The following SPATS2L variants were observed in gnomAD, a reference collection of about 807,000 sequenced individuals.
SPATS2L encodes spermatogenesis associated serine rich 2 like, also known as SPATS2-like protein.
Under a neutral mutation model 59.6 loss-of-function variants are expected in SPATS2L, and 30 were observed. The ratio of observed to expected loss-of-function variants is 0.50; its 90% CI spans 0.38 to 0.68. SPATS2L has a LOEUF of 0.68. Ranked by LOEUF, SPATS2L falls within the 30% of genes least tolerant of loss-of-function variation. The probability of loss-of-function intolerance (pLI) is 0.00; values close to 1 mark genes in which losing one functional copy is unlikely to be tolerated. For missense variants in SPATS2L, 615 were observed against 700.0 expected, an observed-to-expected ratio of 0.88 and a Z score of 1.37; for synonymous variants, 252 against 263.5, an observed-to-expected ratio of 0.96 and a Z score of 0.42.
chr2:200,358,712 A>G (rs925988700), intron 2 of SPATS2L, among the ~76,000 whole-genome samples: 8 of 151,878 alleles, frequency 5.3e-5, no homozygotes, highest in Non-Finnish European at 1.2e-4. Flanking sequence ...TTTTAGCTGG[A>G]TGCAGTGGGC....
At chr2:200,326,103 G>T (rs1398622541) in intron 1 of SPATS2L, among the ~76,000 whole-genome samples, 1 of 152,154 alleles carries the variant, frequency 6.6e-6, no homozygotes, top group South Asian at 2.1e-4. Flanking sequence ...TCTGAGGTTT[G>T]AACCCAAGTT....
intron 8 of SPATS2L, among the ~76,000 whole-genome samples, chr2:200,450,123 T>G (rs572809758): frequency 6.6e-6 from 1 of 152,286 alleles, no homozygotes; most frequent in Admixed American, 6.5e-5. Context: ...CTGGTTGAGT[T>G]TTTTAACTCC....
intron 6 of SPATS2L, among the ~76,000 whole-genome samples, chr2:200,424,205 G>A (rs886814624): frequency 2.6e-5 from 4 of 152,050 alleles, no homozygotes; most frequent in Admixed American, 6.6e-5. Flanking sequence ...TATTTTTGCC[G>A]AGCGGGCACA....
chr2:200,406,716 A>C (rs1235033329), intron 3 of SPATS2L, among the ~76,000 whole-genome samples: 4 of 152,084 alleles, frequency 2.6e-5, no homozygotes, highest in African/African-American at 9.7e-5. Context: ...ATATATTTTA[A>C]TTTCTGTGTT....
intron 6 of SPATS2L, among the ~76,000 whole-genome samples, chr2:200,423,754 A>G (rs946915213): frequency 1.3e-5 from 2 of 152,234 alleles, no homozygotes; most frequent in Non-Finnish European, 2.9e-5. Flanking sequence ...CCAATAATGA[A>G]ACTAGCTCAA....
At chr2:200,426,859 T>TG (rs1171714925) in intron 6 of SPATS2L, among the ~76,000 whole-genome samples, 2 of 152,230 alleles carry the variant, frequency 1.3e-5, no homozygotes, top group Admixed American at 1.3e-4. Flanking sequence ...TCAAGTAACT[T>TG]GGTATCTTAG....
At position 200,440,790 on chromosome 2, in the gene SPATS2L, T is replaced by C. The variant is rs1261894473; in HGVS notation, c.788+6T>C. 1 of 1,612,638 alleles carries C rather than the reference T, an allele frequency of 6.2e-7. No homozygotes were observed. The highest frequency in any genetic ancestry group is 8.5e-7 in the Non-Finnish European group (1 of 1,179,138). On this transcript the variant is annotated splice_donor_region_variant and intron_variant, in intron 8 of 12. Coordinates refer to ENST00000409140, the MANE Select transcript of SPATS2L (RefSeq NM_001100423.2). ...TTTGCTGAATTACACAACTGGTGAG[T>C]GATTCAACGTAGGAACCATAAATTT...
intron 2 of SPATS2L, among the ~76,000 whole-genome samples, chr2:200,371,405 G>A (rs1300825875): frequency 6.6e-6 from 1 of 152,160 alleles, no homozygotes; most frequent in East Asian, 1.9e-4. Flanking sequence ...GCACATTCAT[G>A]GAAGGCAGTT....
chr2:200,370,896 G>A (rs892373932), intron 2 of SPATS2L, among the ~76,000 whole-genome samples: 8 of 152,272 alleles, frequency 5.3e-5, no homozygotes, highest in Admixed American at 4.6e-4. Flanking sequence ...TTTGCTACCC[G>A]AAAGAACCTT....
intron 6 of SPATS2L, among the ~76,000 whole-genome samples, chr2:200,433,091 G>A (rs1405484977): frequency 6.6e-6 from 1 of 152,128 alleles, no homozygotes; most frequent in Non-Finnish European, 1.5e-5. Flanking sequence ...TCATATCCAA[G>A]GGTCATTTCA....
At chr2:200,477,611 A>G in intron 12 of SPATS2L, 25 bp from the exon 13 acceptor site, 1 of 1,504,568 alleles carries the variant, frequency 6.6e-7, no homozygotes. Context: ...GGCATCTGAT[A>G]CTTATCTCTT....
intron 2 of SPATS2L, among the ~76,000 whole-genome samples, chr2:200,384,506 G>A (rs1021190103): frequency 1.3e-5 from 2 of 152,228 alleles, no homozygotes; most frequent in African/African-American, 2.4e-5. Context: ...GGCGCATGCC[G>A]CCATGCCGGC....
intron 3 of SPATS2L, among the ~76,000 whole-genome samples, chr2:200,408,032 C>T (rs989441061): frequency 2.6e-5 from 4 of 152,102 alleles, no homozygotes; most frequent in South Asian, 2.1e-4. Context: ...CTGGGAGACA[C>T]GACACACACA....
rs376838483 is a variant in SPATS2L, at chr2:200,402,474, C to G, written c.40-9837C>G. ...CGTTGTGCCCTCTTCCTGGAATGTT[C>G]CACCTTCCCTCCCATTCCCCTGGCC... On this transcript the variant is annotated intron_variant, in intron 3 of 12. Coordinates refer to ENST00000409140, the MANE Select transcript of SPATS2L (RefSeq NM_001100423.2). Among the ~76,000 whole-genome samples the G allele has an allele frequency of 7.2e-5, 11 of 152,260 alleles. No homozygotes were observed. In the South Asian group the frequency reaches 2.3e-3, roughly 32 times the overall value.
chr2:200,388,399 T>C (rs1359877833), intron 2 of SPATS2L, among the ~76,000 whole-genome samples: 6 of 151,810 alleles, frequency 4.0e-5, no homozygotes, highest in African/African-American at 9.7e-5. Flanking sequence ...AGTGAGACCC[T>C]TGTCTCTACA....
chr2:200,351,256 C>T (rs1353369627), intron 2 of SPATS2L: 11 of 471,244 alleles, frequency 2.3e-5, no homozygotes, highest in Non-Finnish European at 4.4e-5. Flanking sequence ...TTTTTAGATG[C>T]ACTAACCAAC....
At position 200,479,795 on chromosome 2, in the gene SPATS2L, A is replaced by G; in HGVS notation, c.*1764A>G. 1 of 398,658 alleles carries G rather than the reference A, an allele frequency of 2.5e-6. No homozygotes were observed. The highest frequency in any genetic ancestry group is 2.1e-5 in the African/African-American group (1 of 48,762). 24.7% of individuals were successfully genotyped at this position (398,658 alleles called of 1,614,324 possible). A position where few individuals can be genotyped will look rare whatever the true frequency, so the allele number is the denominator to read the frequency against. On this transcript the variant is annotated 3_prime_UTR_variant, in exon 13 of 13. Transcript: ENST00000409140. ...CCCTGAGCAGCTGAGCCTGCAAGCC[A>G]CGCAAGCATCTGTTTCTTCTTTTGC...
At chr2:200,370,835 A>C (rs2105890869) in intron 2 of SPATS2L, among the ~76,000 whole-genome samples, 1 of 152,328 alleles carries the variant, frequency 6.6e-6, no homozygotes, top group East Asian at 1.9e-4. Flanking sequence ...GATATCCTTC[A>C]ATTTGTGAAT....
rs1174770897 is a variant in SPATS2L, at chr2:200,439,284, C to T, written c.608C>T (p.Ala203Val). Residue 203 changes from alanine to valine, a missense_variant, in exon 7 of 13, where the codon GCA becomes GTA. Coordinates refer to ENST00000409140, the MANE Select transcript of SPATS2L (RefSeq NM_001100423.2). ...TCTCCTGTTAAGTCCAATACCCCTG[C>T]AGCTCATCTTGAAATAAAGCCAGAT... ...KTSPVKSNTP[A>V]AHLEIKPDEL... is the part of the protein sequence containing the mutation. 1 of 1,613,676 alleles carries T rather than the reference C, an allele frequency of 6.2e-7. No homozygotes were observed. The highest frequency in any genetic ancestry group is 1.7e-5 in the Admixed American group (1 of 59,970).
Sources: gnomAD v4.1 joint callset for allele counts (sites outside exome capture counted in the v4.1 genomes callset) on GRCh38, gnomAD v4.1.1 for gene constraint, MANE v1.5 for transcripts, NCBI Gene and HGNC (gene_info 2026-07-23, HGNC 2026-07-21) for gene names.